USH2A: variants seen among roughly 807,000 people sequenced by gnomAD.
USH2A encodes usherin.
USH2A carries 443 observed loss-of-function variants against 538.9 expected under a neutral mutation model. That is an observed-to-expected ratio of 0.82 (90% CI 0.76 to 0.89). The LOEUF (loss-of-function observed/expected upper bound fraction) is 0.89, where lower values mean the gene tolerates loss of function less well. Ranked by LOEUF, USH2A falls within the 40% of genes least tolerant of loss-of-function variation. The probability of loss-of-function intolerance (pLI) is 0.00; values close to 1 mark genes in which losing one functional copy is unlikely to be tolerated. For missense variants in USH2A, 6,633 were observed against 6,324.8 expected (o/e 1.05, Z -1.65); for synonymous variants, 2,413 against 2,273.5 (o/e 1.06, Z -1.75).
At chr1:215,798,793 G>T in intron 50 of USH2A, 114 bp downstream of exon 50, 1 of 1,184,338 alleles carries the variant, frequency 8.4e-7, no homozygotes, top group African/African-American at 1.5e-5. Flanking sequence ...TATTGCATTA[G>T]ATATAACCAA....
At chr1:216,163,536 G>T (rs1572012510) in intron 21 of USH2A, among the ~76,000 whole-genome samples, 1 of 151,708 alleles carries the variant, frequency 6.6e-6, no homozygotes, top group East Asian at 1.9e-4. Context: ...GTTAATATTT[G>T]ATTGAATGCC....
intron 14 of USH2A, among the ~76,000 whole-genome samples, chr1:216,226,994 G>A (rs1403114783): frequency 6.6e-6 from 1 of 152,164 alleles, no homozygotes; most frequent in Non-Finnish European, 1.5e-5. Flanking sequence ...GGAGACACAT[G>A]TCACCCTTCA....
intron 56 of USH2A, among the ~76,000 whole-genome samples, chr1:215,763,865 T>A (rs879269815): frequency 4.3e-4 from 66 of 151,858 alleles, no homozygotes; most frequent in Non-Finnish European, 6.2e-4. Context: ...AACAATTTTT[T>A]TAAAAAAAAT....
At chr1:216,416,450 G>A (rs943344013) in intron 3 of USH2A, among the ~76,000 whole-genome samples, 7 of 151,934 alleles carry the variant, frequency 4.6e-5, no homozygotes, top group African/African-American at 1.4e-4. Context: ...TAAAACTTAT[G>A]CAAAAAAATA....
chr1:216,026,695 A>G (rs1171632979), intron 32 of USH2A, among the ~76,000 whole-genome samples: 2 of 152,180 alleles, frequency 1.3e-5, no homozygotes, highest in African/African-American at 4.8e-5. Context: ...AAGATGAAAG[A>G]TAAAGTTCCT....
At chr1:215,939,615 T>C (rs1009616464) in intron 37 of USH2A, among the ~76,000 whole-genome samples, 3 of 152,120 alleles carry the variant, frequency 2.0e-5, no homozygotes, top group African/African-American at 7.2e-5. Context: ...ATGGATATTT[T>C]CACATGTATG....
Position 215,780,011 on chromosome 1 carries a change from C to T in USH2A, c.10771G>A (p.Glu3591Lys). ...GTGATGCTTGGTGGCAGGATGCTCT[C>T]CGGAACTCCTTGGGTAGTAGCTGCA... is the stretch of plus-strand genomic sequence containing the variant. ...VVAATTQGVPESILPPSITAL... is the reference protein window; with the variant it reads ...VVAATTQGVPKSILPPSITAL... The change falls in exon 55 of 72, where the codon GAG becomes AAG. Residue 3591 changes from glutamate to lysine, a missense_variant. Glu to Lys is a moderately conservative substitution (Grantham distance 56). Coordinates refer to ENST00000307340, the MANE Select transcript of USH2A (RefSeq NM_206933.4). The T allele has an allele frequency of 1.9e-6, 3 of 1,614,058 alleles. No individual in the cohort carries two copies. Among genetic ancestry groups the T allele is most frequent in the Non-Finnish European group, 2.5e-6 (3 of 1,180,006 alleles).
chr1:216,238,794 G>T (rs193301280), intron 13 of USH2A, among the ~76,000 whole-genome samples: 41 of 152,240 alleles, frequency 2.7e-4, no homozygotes, highest in African/African-American at 9.4e-4. Flanking sequence ...CTATGGGTCA[G>T]CAGTATTTGC....
At chr1:215,853,291 CAGCCATGGCTGG>C (rs1664069524) in intron 44 of USH2A, among the ~76,000 whole-genome samples, 1 of 152,210 alleles carries the variant, frequency 6.6e-6, no homozygotes, top group Admixed American at 6.5e-5. Context: ...TGGGGCCTTT[CAGCCATGGCTGG>C]AGCCACTGAG....
At chr1:215,878,173 G>T (rs1430286190) in intron 42 of USH2A, among the ~76,000 whole-genome samples, 1 of 152,062 alleles carries the variant, frequency 6.6e-6, no homozygotes, top group Non-Finnish European at 1.5e-5. Context: ...TTTACTGCCA[G>T]TTTCGCACAA....
intron 64 of USH2A, among the ~76,000 whole-genome samples, chr1:215,661,184 C>T (rs536945340): frequency 1.3e-5 from 2 of 152,114 alleles, no homozygotes; most frequent in African/African-American, 4.8e-5. Flanking sequence ...GTGTGGGGGA[C>T]GAGCTGGTTT....
In USH2A at chr1:215,871,550, T is replaced by G. The variant is rs1038083012; in HGVS notation, c.8682-4380A>C. Among the ~76,000 whole-genome samples, 50 of 152,178 alleles carry G rather than the reference T, an allele frequency of 3.3e-4. 1 individual carries two copies. Among genetic ancestry groups the G allele is most frequent in the Non-Finnish European group, 1.2e-4 (8 of 68,026 alleles). On this transcript the variant is annotated intron_variant, in intron 43 of 71. Coordinates refer to ENST00000307340, the MANE Select transcript of USH2A (RefSeq NM_206933.4). ...TTTTAAAAATATATTGAAAACAAAT[T>G]ATATTGCTTTTTCATATTTAATACA...
chr1:215,773,709 C>T (rs1288010680), intron 55 of USH2A, among the ~76,000 whole-genome samples: 2 of 152,128 alleles, frequency 1.3e-5, no homozygotes, highest in Non-Finnish European at 2.9e-5. Context: ...CTTTTGCCCT[C>T]ACTTGCCTGG....
chr1:216,200,972 C>G, intron 16 of USH2A, among the ~76,000 whole-genome samples: 1 of 24,790 alleles, frequency 4.0e-5, no homozygotes, highest in South Asian at 2.4e-3. Context: ...CCCCTCCCCC[C>G]ATCCATCCCT....
Position 216,379,828 on chromosome 1 carries a change from G to C in USH2A, c.652-14743C>G, listed in dbSNP as rs59904548. On this transcript the variant is annotated intron_variant, in intron 3 of 71. Coordinates refer to ENST00000307340, the MANE Select transcript of USH2A (RefSeq NM_206933.4). ...AATTACATTTGCGACCCTCCCCAGA[G>C]GGCTACACCACTTAGGCCCTAAGCA... 4.6e-3 allele frequency among the ~76,000 whole-genome samples: 698 copies of C among 152,266 alleles called. 6 individuals carry two copies. Among genetic ancestry groups the C allele is most frequent in the African/African-American group, 0.015 (640 of 41,546 alleles).
intron 24 of USH2A, chr1:216,085,137 A>C: frequency 2.3e-6 from 1 of 425,668 alleles, no homozygotes; most frequent in Non-Finnish European, 4.3e-6. Flanking sequence ...CAGTAGCAAG[A>C]ATATTGCCTT....
At chr1:215,703,478 G>A (rs969703193) in intron 61 of USH2A, among the ~76,000 whole-genome samples, 1 of 152,178 alleles carries the variant, frequency 6.6e-6, no homozygotes, top group Non-Finnish European at 1.5e-5. Context: ...TTCCTGACTG[G>A]GGCTGCTGCC....
intron 37 of USH2A, among the ~76,000 whole-genome samples, chr1:215,963,030 TG>T (rs1425761679): frequency 6.6e-6 from 1 of 152,158 alleles, no homozygotes; most frequent in Non-Finnish European, 1.5e-5. Context: ...ACACTTGCTT[TG>T]AACTAGCTGA....
At chr1:216,335,522 A>C (rs986190198) in intron 4 of USH2A, among the ~76,000 whole-genome samples, 7 of 151,624 alleles carry the variant, frequency 4.6e-5, no homozygotes, top group East Asian at 3.9e-4. Context: ...CAAATTTGAC[A>C]AACATTCAAC....
Sources: gnomAD v4.1 joint callset for allele counts (sites outside exome capture counted in the v4.1 genomes callset) on GRCh38, gnomAD v4.1.1 for gene constraint, MANE v1.5 for transcripts, NCBI Gene and HGNC (gene_info 2026-07-23, HGNC 2026-07-21) for gene names.